GALNT13: variants seen among roughly 807,000 people sequenced by gnomAD.
GALNT13 encodes the protein UDP-GalNAc:polypeptide N-acetylgalactosaminyltransferase 13.
A neutral mutation model predicts 64.2 loss-of-function variants in GALNT13; 28 were observed. The ratio of observed to expected loss-of-function variants is 0.44; its 90% CI spans 0.32 to 0.60. The LOEUF is 0.60. Among genes scored for constraint, GALNT13 ranks in the 20% least tolerant of loss-of-function variants. GALNT13 has a pLI of 0.05. For missense variants in GALNT13, 577 were observed against 669.8 expected, an observed-to-expected ratio of 0.86 and a Z score of 1.53; for synonymous variants, 214 against 224.6, an observed-to-expected ratio of 0.95 and a Z score of 0.42.
chr2:153,652,012 G>T, the GALNT13 span, among the ~76,000 whole-genome samples: 2 of 152,150 alleles, frequency 1.3e-5, no homozygotes, highest in Non-Finnish European at 2.9e-5. Flanking sequence ...ATTCCAAGTG[G>T]TGAATAAGTG....
At position 153,900,945 on chromosome 2, in the gene GALNT13, T is replaced by G. The variant is rs984381125; in HGVS notation, c.-167T>G. On this transcript the variant is annotated 5_prime_UTR_variant, in exon 2 of 13. Transcript: ENST00000392825. ...TTTTCTTCCTCCACAGATGCATTTT[T>G]GTAGAAGCATTTTGAGGATGAATGT... 2 of 152,186 alleles carry G rather than the reference T, an allele frequency of 1.3e-5. No individual in the cohort carries two copies. The highest frequency in any genetic ancestry group is 4.8e-5 in the African/African-American group (2 of 41,460). 9.4% of individuals were successfully genotyped at this position (152,186 alleles called of 1,614,324 possible).
At chr2:153,667,400 G>C in the GALNT13 span, among the ~76,000 whole-genome samples, 2 of 152,158 alleles carry the variant, frequency 1.3e-5, no homozygotes, top group Admixed American at 1.3e-4. Context: ...CCTATAAAGG[G>C]AACCACACAA....
At chr2:153,780,923 A>C in the GALNT13 span, among the ~76,000 whole-genome samples, 2 of 152,284 alleles carry the variant, frequency 1.3e-5, no homozygotes, top group South Asian at 4.1e-4. Context: ...TAAGATGGAT[A>C]ATTAAACATG....
intron 1 of GALNT13, among the ~76,000 whole-genome samples, chr2:153,872,826 C>T (rs958332071): frequency 6.6e-6 from 1 of 152,142 alleles, no homozygotes; most frequent in Non-Finnish European, 1.5e-5. Flanking sequence ...TATAGTGCCC[C>T]CTTTGCCTCG....
chr2:153,373,462 C>T, the GALNT13 span, among the ~76,000 whole-genome samples: 1 of 152,066 alleles, frequency 6.6e-6, no homozygotes, highest in African/African-American at 2.4e-5. Context: ...CCAACCTGGC[C>T]TCAGTTGTTT....
At chr2:154,109,359 A>G (rs187633230) in intron 3 of GALNT13, among the ~76,000 whole-genome samples, 1 of 152,170 alleles carries the variant, frequency 6.6e-6, no homozygotes, top group Non-Finnish European at 1.5e-5. Context: ...CAGTATTTAC[A>G]TATTATTTCT....
the GALNT13 span, among the ~76,000 whole-genome samples, chr2:153,522,100 C>T: frequency 9.5e-4 from 145 of 152,064 alleles, 1 homozygote; most frequent in East Asian, 0.025. Flanking sequence ...TTTGGGAGGC[C>T]GTGGTGGGCA....
the GALNT13 span, among the ~76,000 whole-genome samples, chr2:153,519,102 G>A: frequency 6.6e-6 from 1 of 152,092 alleles, no homozygotes; most frequent in Admixed American, 6.6e-5. Context: ...AGGCTCCTAG[G>A]ACTTTTAGAA....
the GALNT13 span, among the ~76,000 whole-genome samples, chr2:153,347,556 A>G: frequency 6.6e-6 from 1 of 152,220 alleles, no homozygotes; most frequent in East Asian, 1.9e-4. Context: ...ACATAAAGCC[A>G]TATACCATGA....
At chr2:153,430,627 C>T in the GALNT13 span, among the ~76,000 whole-genome samples, 1 of 149,788 alleles carries the variant, frequency 6.7e-6, no homozygotes, top group Non-Finnish European at 1.5e-5. Flanking sequence ...ATCTCGGATG[C>T]TCTGCCATGA....
intron 4 of GALNT13, among the ~76,000 whole-genome samples, chr2:154,198,696 C>CT (rs1687011724): frequency 1.3e-5 from 2 of 150,112 alleles, no homozygotes; most frequent in South Asian, 4.5e-4. Context: ...ATGTTATTAA[C>CT]TTTTTGAAAA....
the GALNT13 span, among the ~76,000 whole-genome samples, chr2:153,630,447 A>G: frequency 7.6e-6 from 1 of 131,402 alleles, no homozygotes; most frequent in African/African-American, 2.9e-5. Flanking sequence ...GAATTGAACA[A>G]TGAGAACACA....
chr2:154,119,842 C>T (rs796624816), intron 3 of GALNT13, among the ~76,000 whole-genome samples: 15 of 152,202 alleles, frequency 9.9e-5, no homozygotes, highest in South Asian at 4.1e-4. Context: ...AACTTTATTA[C>T]GTTTTTCATC....
At chr2:154,146,788 C>T (rs1683628207) in intron 4 of GALNT13, among the ~76,000 whole-genome samples, 1 of 144,180 alleles carries the variant, frequency 6.9e-6, no homozygotes, top group Admixed American at 6.9e-5. Flanking sequence ...ATTAGTTTCC[C>T]TCCTGCATTA....
At chr2:153,928,166 A>C (rs997071237) in intron 2 of GALNT13, among the ~76,000 whole-genome samples, 1 of 152,064 alleles carries the variant, frequency 6.6e-6, no homozygotes, top group Non-Finnish European at 1.5e-5. Flanking sequence ...TTTACAAGAT[A>C]ATATATTATT....
At chr2:153,678,136 A>G in the GALNT13 span, among the ~76,000 whole-genome samples, 1 of 145,778 alleles carries the variant, frequency 6.9e-6, no homozygotes, top group East Asian at 2.0e-4. Flanking sequence ...AAATATTTGC[A>G]TCTATGCATC....
the GALNT13 span, among the ~76,000 whole-genome samples, chr2:153,252,859 T>A: frequency 6.6e-6 from 1 of 152,210 alleles, no homozygotes; most frequent in African/African-American, 2.4e-5. Flanking sequence ...ACCACGCTGT[T>A]TTGGTTACTG....
chr2:153,073,153 G>C, the GALNT13 span, among the ~76,000 whole-genome samples: 1 of 152,062 alleles, frequency 6.6e-6, no homozygotes, highest in African/African-American at 2.4e-5. Context: ...AATGAGAACT[G>C]TTATTTAATA....
the GALNT13 span, among the ~76,000 whole-genome samples, chr2:153,650,063 G>T: frequency 2.6e-5 from 4 of 152,160 alleles, no homozygotes. Context: ...TGAAAGTGGG[G>T]TGTTAAAGTT....
Sources: gnomAD v4.1 joint callset for allele counts (sites outside exome capture counted in the v4.1 genomes callset) on GRCh38, gnomAD v4.1.1 for gene constraint, MANE v1.5 for transcripts, NCBI Gene and HGNC (gene_info 2026-07-23, HGNC 2026-07-21) for gene names.